COL6A2: variants seen among roughly 807,000 people sequenced by gnomAD.
COL6A2 encodes the protein collagen type VI alpha 2 chain.
A neutral mutation model predicts 124.9 loss-of-function variants in COL6A2; 90 were observed. That is an observed-to-expected ratio of 0.72 (90% confidence interval 0.61 to 0.86). The LOEUF (loss-of-function observed/expected upper bound fraction) is 0.86, where lower values mean the gene tolerates loss of function less well. Among genes scored for constraint, COL6A2 ranks in the 40% least tolerant of loss-of-function variants. The pLI is 0.00. For synonymous variants in COL6A2, 793 were observed against 618.2 expected, an observed-to-expected ratio of 1.28 and a Z score of -4.19; for missense variants, 1,607 against 1,502.5, an observed-to-expected ratio of 1.07 and a Z score of -1.15.
At position 46,112,407 on chromosome 21, in the gene COL6A2, G is replaced by C. The variant is rs374504636; in HGVS notation, c.544G>C (p.Glu182Gln). 6.2e-7 allele frequency: 1 copy of C among 1,608,504 alleles called. No homozygotes were observed. The highest frequency in any genetic ancestry group is 1.7e-5 in the Admixed American group (1 of 59,894). ...GIKLQAERAR[E>Q]EGIRLFAVAP... ...CAAGCTGCAGGCCGAGCGGGCCCGC[G>C]AGGAGGGCATCCGGCTCTTCGCCGT... The change falls in exon 3 of 28, where the codon GAG (glutamate) becomes CAG (glutamine). Residue 182 changes from glutamate (E) to glutamine (Q), a missense_variant. Transcript: ENST00000300527.
chr21:46,100,456 A>T (rs577694340), intron 1 of COL6A2, among the ~76,000 whole-genome samples: 3 of 152,272 alleles, frequency 2.0e-5, no homozygotes, highest in Admixed American at 2.0e-4. Context: ...CAGCTAGTTC[A>T]GCGACAGTAA....
At chr21:46,124,795 T>C in intron 22 of COL6A2, 82 bp downstream of exon 22, 2 of 1,592,290 alleles carry the variant, frequency 1.3e-6, no homozygotes, top group Non-Finnish European at 1.7e-6. Flanking sequence ...CTGCCCACGG[T>C]GGACCCACGT....
In COL6A2 at chr21:46,132,618, C is replaced by G. The variant is rs568256520; in HGVS notation, c.*66C>G. On this transcript the variant is annotated 3_prime_UTR_variant, in exon 28 of 28. Coordinates refer to ENST00000300527, the MANE Select transcript of COL6A2 (RefSeq NM_001849.4). ...CCCCGTCCATGGTGCTAAGCGGGCC[C>G]GGGTCCCACACGGCCAGCACCGCTG... The G allele has an allele frequency of 9.1e-4, 1,324 of 1,450,426 alleles. 16 individuals are homozygous for G. The African/African-American group carries it at 0.017, about 18-fold the overall frequency. The allele number at this position is 1,450,426 out of a possible 1,614,324, so 89.8% of individuals were successfully genotyped here. A position where few individuals can be genotyped will look rare whatever the true frequency, so the allele number is the denominator to read the frequency against.
chr21:46,112,559 C>T lies in COL6A2; in HGVS notation c.696C>T (p.Asn232=). 1.2e-6 allele frequency: 2 copies of T among 1,612,232 alleles called. No homozygotes were observed. The highest frequency in any genetic ancestry group is 8.5e-7 in the Non-Finnish European group (1 of 1,179,878). Residue 232 remains asparagine, a synonymous_variant, in exon 3 of 28, where the codon AAC becomes AAT. Coordinates refer to ENST00000300527, the MANE Select transcript of COL6A2 (RefSeq NM_001849.4). Reference sequence around the variant, plus strand: ...CCGAGATCGACCAGGACACCATCAACCGCATCATCAAGGTCATGGTGAGCC... The same window carrying T: ...CCGAGATCGACCAGGACACCATCAATCGCATCATCAAGGTCATGGTGAGCC... ...DSTEIDQDTI[N]RIIKVMKHEA...
intron 27 of COL6A2, 80 bp from the exon 28 acceptor site, chr21:46,131,874 A>T (rs2078764441): frequency 6.7e-6 from 9 of 1,347,742 alleles, no homozygotes; most frequent in Non-Finnish European, 9.2e-6. Context: ...TGCGAATGGA[A>T]GGGCACAGGT....
intron 1 of COL6A2, among the ~76,000 whole-genome samples, chr21:46,105,736 G>C (rs1261457962): frequency 6.6e-6 from 1 of 151,980 alleles, no homozygotes; most frequent in Non-Finnish European, 1.5e-5. Flanking sequence ...ATACAAAAGG[G>C]AATGAGGAAG....
chr21:46,121,089 GC>G lies in COL6A2; in HGVS notation c.1429del (p.Gln477ArgfsTer68), dbSNP rs2078559038. 6.2e-7 allele frequency: 1 copy of G among 1,612,776 alleles called. No homozygotes were observed. Among genetic ancestry groups the G allele is most frequent in the Non-Finnish European group, 8.5e-7 (1 of 1,179,960 alleles). The stretch of plus-strand genomic sequence containing the variant: ...GACCGAGGCTTGCCTGGACCCAGAG[GC>G]CCCCAGGGAGCTCTTGGGGAGCCCG... ...KGDRGLPGPR[G>X]PQGALGEPGK... On this transcript the variant is annotated frameshift_variant, in exon 17 of 28. Transcript: ENST00000300527. LOFTEE classifies it high-confidence loss of function.
chr21:46,126,187 A>G lies in COL6A2; in HGVS notation c.2372A>G (p.Asp791Gly), dbSNP rs1467600422. The G allele has an allele frequency of 6.2e-7, 1 of 1,605,088 alleles. No homozygotes were observed. Among genetic ancestry groups the G allele is most frequent in the South Asian group, 1.1e-5 (1 of 91,070 alleles). ...QQVRNMTLFSDLVAEKFIDDM... is the reference protein window; with the variant it reads ...QQVRNMTLFSGLVAEKFIDDM... ...GTGCGCAACATGACGCTGTTCTCCGACCTGGTCGCTGAGAAGTTCATCGAT... is the reference window on the plus strand; with the variant it reads ...GTGCGCAACATGACGCTGTTCTCCGGCCTGGTCGCTGAGAAGTTCATCGAT... Residue 791 changes from aspartate (D) to glycine (G), a missense_variant, in exon 26 of 28, where the codon GAC (aspartate) becomes GGC (glycine). Transcript: ENST00000300527.
At chr21:46,121,986 A>G (rs1032273369) in intron 18 of COL6A2, 122 bp from the exon 19 acceptor site, 4 of 1,036,778 alleles carry the variant, frequency 3.9e-6, no homozygotes, top group Non-Finnish European at 5.9e-6. Flanking sequence ...GCTCACAGCC[A>G]GAACTCGACG....
chr21:46,103,875 C>T (rs2078311609), intron 1 of COL6A2, among the ~76,000 whole-genome samples: 1 of 152,218 alleles, frequency 6.6e-6, no homozygotes, highest in Admixed American at 6.5e-5. Flanking sequence ...AAAGGGCTGG[C>T]ACCCTTTTCT....
At chr21:46,125,191 C>T (rs1458514728) in intron 23 of COL6A2, 75 bp from the exon 24 acceptor site, 20 of 1,427,912 alleles carry the variant, frequency 1.4e-5, no homozygotes, top group Non-Finnish European at 1.9e-5. Context: ...TCCCGGGACC[C>T]CCAGGCCAGG....
At position 46,132,566 on chromosome 21, in the gene COL6A2, G is replaced by A. The variant is rs1212187405; in HGVS notation, c.*14G>A. 3.4e-5 allele frequency: 54 copies of A among 1,582,244 alleles called. No homozygotes were observed. Among genetic ancestry groups the A allele is most frequent in the Non-Finnish European group, 4.4e-5 (52 of 1,169,802 alleles). ...TGGATCTGCTAGCGCCGCCGCCCGGGCCCCGCAGTCGAGGGTCGTGAGCCC... is the reference window on the plus strand; with the variant it reads ...TGGATCTGCTAGCGCCGCCGCCCGGACCCCGCAGTCGAGGGTCGTGAGCCC... On this transcript the variant is annotated 3_prime_UTR_variant, in exon 28 of 28. Transcript: ENST00000300527.
rs2078521072 is a variant in COL6A2, at chr21:46,119,080, C to T, written c.1230C>T (p.Ala410=). The T allele has an allele frequency of 1.9e-6, 3 of 1,612,054 alleles. No individual in the cohort carries two copies. Among genetic ancestry groups the T allele is most frequent in the Middle Eastern group, 1.7e-4 (1 of 6,032 alleles). ...GAPGSPGVKG[A]KGGPGPRGPK... ...CAGGAAGTCCTGGTGTGAAAGGAGC[C>T]AAGGGCGGGCCTGGGCCCCGCGGAC... Residue 410 remains alanine (A), a synonymous_variant, in exon 14 of 28, where the codon GCC becomes GCT. Transcript: ENST00000300527.
chr21:46,128,931 G>C, intron 27 of COL6A2: 1 of 1,612,560 alleles, frequency 6.2e-7, no homozygotes, highest in Non-Finnish European at 8.5e-7. Context: ...TGTGCTGAAA[G>C]GTTTTCTCGG....
At position 46,111,976 on chromosome 21, in the gene COL6A2, C is replaced by T. The variant is rs767597831; in HGVS notation, c.116-3C>T. 7.4e-5 allele frequency: 120 copies of T among 1,610,934 alleles called. No homozygotes were observed. The highest frequency in any genetic ancestry group is 9.5e-5 in the Non-Finnish European group (112 of 1,179,870). On this transcript the variant is annotated splice_region_variant and splice_polypyrimidine_tract_variant and intron_variant, in intron 2 of 27. Coordinates refer to ENST00000300527, the MANE Select transcript of COL6A2 (RefSeq NM_001849.4). ...GGCTCGTGACAGGTCCTGTGCCCCA[C>T]AGAGAAGACCGACTGCCCCATCCAC...
At chr21:46,128,779 G>A (rs981463392) in intron 27 of COL6A2, 18 of 831,192 alleles carry the variant, frequency 2.2e-5, no homozygotes, top group East Asian at 4.8e-5. Context: ...TCCCAGAGAG[G>A]CTGAGGAAGG....
intron 15 of COL6A2, among the ~76,000 whole-genome samples, chr21:46,120,244 G>A (rs1484706030): frequency 6.6e-6 from 1 of 152,124 alleles, no homozygotes; most frequent in Non-Finnish European, 1.5e-5. Flanking sequence ...TTGACATCAG[G>A]TGAAGGGGCT....
At chr21:46,118,558 C>T in intron 12 of COL6A2, 56 bp from the exon 13 acceptor site, 4 of 1,575,248 alleles carry the variant, frequency 2.5e-6, no homozygotes, top group East Asian at 4.5e-5. Flanking sequence ...AGCGGGCATC[C>T]TGCACCCCCC....
Position 46,125,611 on chromosome 21 carries a change from G to C in COL6A2, c.1963G>C (p.Glu655Gln). 6.2e-7 allele frequency: 1 copy of C among 1,611,738 alleles called. No homozygotes were observed. The highest frequency in any genetic ancestry group is 8.5e-7 in the Non-Finnish European group (1 of 1,179,336). Residue 655 changes from glutamate (E) to glutamine (Q), a missense_variant, in exon 25 of 28, where the codon GAG (glutamate) becomes CAG (glutamine). Glu to Gln is a conservative substitution (Grantham distance 29, BLOSUM62 2). Around this residue, in one of 3 missense-constraint regions of COL6A2, gnomAD observed 1,223 missense variants for 1,052.2 expected, o/e 1.16. Transcript: ENST00000300527. ...TGCCATCGCTAAGGACCCCAAGTCC[G>C]AGACAGGTCAGCGGGGCAGGGGCGG... is the stretch of plus-strand genomic sequence containing the variant. ...LGAIAKDPKSETGTRVGVVQY... is the reference protein window; with the variant it reads ...LGAIAKDPKSQTGTRVGVVQY...
Sources: gnomAD v4.1 joint callset for allele counts (sites outside exome capture counted in the v4.1 genomes callset) on GRCh38, gnomAD v4.1.1 for gene constraint, gnomAD v4.1.1 regional missense constraint, MANE v1.5 for transcripts, NCBI Gene and HGNC (gene_info 2026-07-23, HGNC 2026-07-21) for gene names.